IMMP1L: variants seen among roughly 807,000 people sequenced by gnomAD.
IMMP1L encodes inner mitochondrial membrane peptidase subunit 1.
Under a neutral mutation model 21.8 loss-of-function variants are expected in IMMP1L, and 24 were observed. The ratio of observed to expected loss-of-function variants is 1.10; its 90% CI spans 0.80 to 1.55. The LOEUF (loss-of-function observed/expected upper bound fraction) is 1.55, where lower values mean the gene tolerates loss of function less well. Among genes scored for constraint, IMMP1L ranks in the 40% most tolerant of loss-of-function variants. The pLI is 0.00. For synonymous variants in IMMP1L, 46 were observed against 62.8 expected, an observed-to-expected ratio of 0.73 and a Z score of 1.26; for missense variants, 195 against 200.7, an observed-to-expected ratio of 0.97 and a Z score of 0.17.
chr11:31,455,668 A>T (rs1027254706), intron 4 of IMMP1L, among the ~76,000 whole-genome samples: 1 of 152,190 alleles, frequency 6.6e-6, no homozygotes, highest in African/African-American at 2.4e-5. Context: ...GTCTGTTCCA[A>T]TCAATGACAG....
intron 1 of IMMP1L, among the ~76,000 whole-genome samples, chr11:31,478,316 T>C (rs1954788448): frequency 1.3e-5 from 2 of 152,348 alleles, no homozygotes; most frequent in South Asian, 4.1e-4. Context: ...CTATTACATC[T>C]TTTATTGACA....
intron 1 of IMMP1L, among the ~76,000 whole-genome samples, chr11:31,490,298 C>T (rs570859361): frequency 1.3e-4 from 20 of 152,126 alleles, no homozygotes; most frequent in Admixed American, 2.6e-4. Flanking sequence ...ATGGTGAAAA[C>T]GCGCCTCTGC....
At chr11:31,484,674 T>C (rs566935826) in intron 1 of IMMP1L, among the ~76,000 whole-genome samples, 186 of 152,024 alleles carry the variant, frequency 1.2e-3, no homozygotes, top group African/African-American at 4.4e-3. Context: ...GGTCTTTTTC[T>C]AGAAATTGCC....
At chr11:31,507,829 T>C (rs1185988840) in intron 1 of IMMP1L, among the ~76,000 whole-genome samples, 1 of 152,002 alleles carries the variant, frequency 6.6e-6, no homozygotes. Flanking sequence ...GTAGATGTTA[T>C]GTACTCTTAC....
At chr11:31,433,666 C>A in intron 4 of IMMP1L, 96 bp from the exon 5 acceptor site, 1 of 643,202 alleles carries the variant, frequency 1.6e-6, no homozygotes. Context: ...GAGAAATGTC[C>A]TAAGGCTCTC....
chr11:31,473,089 G>A (rs1384127295), intron 1 of IMMP1L, among the ~76,000 whole-genome samples: 6 of 151,716 alleles, frequency 4.0e-5, no homozygotes, highest in Non-Finnish European at 5.9e-5. Flanking sequence ...TCGCTCTGTC[G>A]CCCAGGCTGG....
chr11:31,469,190 C>T (rs1254152806), intron 1 of IMMP1L, among the ~76,000 whole-genome samples: 1 of 151,718 alleles, frequency 6.6e-6, no homozygotes, highest in African/African-American at 2.4e-5. Context: ...TATAAGCATG[C>T]TATAAAATAG....
intron 3 of IMMP1L, among the ~76,000 whole-genome samples, chr11:31,458,491 T>C (rs941635924): frequency 9.9e-5 from 15 of 152,092 alleles, no homozygotes; most frequent in South Asian, 2.1e-4. Context: ...TTCTGTGCAG[T>C]TGACTGAAGA....
chr11:31,451,204 TG>T (rs1953742854), intron 4 of IMMP1L, among the ~76,000 whole-genome samples: 1 of 152,092 alleles, frequency 6.6e-6, no homozygotes, highest in African/African-American at 2.4e-5. Context: ...GTAAGTGAGA[TG>T]GGGAGCCACT....
chr11:31,477,626 G>T, intron 1 of IMMP1L: 3 of 796,936 alleles, frequency 3.8e-6, no homozygotes, highest in Non-Finnish European at 4.6e-6. Flanking sequence ...CAGTTATAGC[G>T]CCAGGTGGCT....
chr11:31,467,794 T>TG (rs1954410976), intron 1 of IMMP1L, among the ~76,000 whole-genome samples: 1 of 151,722 alleles, frequency 6.6e-6, no homozygotes, highest in African/African-American at 2.4e-5. Flanking sequence ...TTTTTTTTTT[T>TG]TTTACAAAGG....
chr11:31,461,708 C>T (rs1261551975), intron 2 of IMMP1L, among the ~76,000 whole-genome samples: 5 of 152,008 alleles, frequency 3.3e-5, no homozygotes, highest in Admixed American at 6.6e-5. Flanking sequence ...ATGAATTTTG[C>T]GTTCAGACTT....
chr11:31,473,825 A>G (rs1451634882), intron 1 of IMMP1L: 1 of 704,566 alleles, frequency 1.4e-6, no homozygotes, highest in Non-Finnish European at 1.7e-6. Flanking sequence ...GAAACAGGAA[A>G]AATATATATA....
intron 1 of IMMP1L, among the ~76,000 whole-genome samples, chr11:31,475,855 A>G (rs567489314): frequency 9.2e-5 from 14 of 152,190 alleles, no homozygotes; most frequent in Non-Finnish European, 1.9e-4. Context: ...CTCTAAACAA[A>G]TAAGAGTGAC....
At chr11:31,452,092 C>T (rs1228082266) in intron 4 of IMMP1L, 7 of 368,194 alleles carry the variant, frequency 1.9e-5, no homozygotes, top group Non-Finnish European at 2.6e-5. Flanking sequence ...GTGGTGGAGA[C>T]CAAAGTCTAA....
chr11:31,435,902 C>T (rs78216738), intron 4 of IMMP1L, among the ~76,000 whole-genome samples: 183 of 152,218 alleles, frequency 1.2e-3, no homozygotes, highest in African/African-American at 4.1e-3. Context: ...GGAGTACATC[C>T]TGACAAATGG....
chr11:31,444,083 A>G (rs1164642744), intron 4 of IMMP1L, among the ~76,000 whole-genome samples: 3 of 152,188 alleles, frequency 2.0e-5, no homozygotes, highest in Admixed American at 1.3e-4. Flanking sequence ...GGTTAAAAAT[A>G]CAGTCCACAC....
intron 4 of IMMP1L, among the ~76,000 whole-genome samples, chr11:31,455,600 T>C (rs1232810081): frequency 6.6e-6 from 1 of 152,212 alleles, no homozygotes; most frequent in Non-Finnish European, 1.5e-5. Flanking sequence ...TTCCCCCTAA[T>C]AGTGGAAAAT....
At chr11:31,508,283 G>T (rs1214568342) in intron 1 of IMMP1L, among the ~76,000 whole-genome samples, 2 of 152,254 alleles carry the variant, frequency 1.3e-5, no homozygotes, top group Middle Eastern at 3.4e-3. Context: ...TATTTAATGT[G>T]TTCATTTTAA....
Sources: allele counts gnomAD v4.1 joint callset (sites outside exome capture counted in the v4.1 genomes callset), GRCh38; gene constraint gnomAD v4.1.1; transcripts MANE v1.5; gene names NCBI Gene and HGNC (gene_info 2026-07-23, HGNC 2026-07-21).